RALY: variants seen among roughly 807,000 people sequenced by gnomAD.
The protein encoded by RALY is RNA-binding protein Raly.
Under a neutral mutation model 30.7 loss-of-function variants are expected in RALY, and 15 were observed. That is an observed-to-expected ratio of 0.49 (90% CI 0.33 to 0.75). The LOEUF is 0.75. Among genes scored for constraint, RALY ranks in the 30% least tolerant of loss-of-function variants. The probability of loss-of-function intolerance (pLI) is 0.02; values close to 1 mark genes in which losing one functional copy is unlikely to be tolerated. For missense variants in RALY, 339 were observed against 414.3 expected, an observed-to-expected ratio of 0.82 and a Z score of 1.58; for synonymous variants, 177 against 170.8, an observed-to-expected ratio of 1.04 and a Z score of -0.28.
Position 34,010,376 on chromosome 20 carries a change from G to A in RALY, c.-93+16245G>A, listed in dbSNP as rs755881533. 8.9e-4 allele frequency among the ~76,000 whole-genome samples: 135 copies of A among 152,048 alleles called. 2 individuals are homozygous for A. Among genetic ancestry groups the A allele is most frequent in the Non-Finnish European group, 3.2e-4 (22 of 68,006 alleles). On this transcript the variant is annotated intron_variant, in intron 1 of 9. Coordinates refer to ENST00000246194, the MANE Select transcript of RALY (RefSeq NM_016732.3). Reference sequence around the variant, plus strand: ...CCTGAGTAGCTGGGACTACAGGCACGCACCACCATGTCCTGTTGTTTTTAT... The same window carrying A: ...CCTGAGTAGCTGGGACTACAGGCACACACCACCATGTCCTGTTGTTTTTAT...
At chr20:34,035,175 A>AAAAAAAAAC (rs2032443894) in intron 2 of RALY, among the ~76,000 whole-genome samples, 1 of 138,792 alleles carries the variant, frequency 7.2e-6, no homozygotes, top group Non-Finnish European at 1.5e-5. Context: ...AAAAAAAAAA[A>AAAAAAAAAC]AAAAAAAAAA....
At chr20:33,998,962 A>G (rs1384984608) in intron 1 of RALY, among the ~76,000 whole-genome samples, 1 of 151,900 alleles carries the variant, frequency 6.6e-6, no homozygotes, top group Non-Finnish European at 1.5e-5. Context: ...CCCCGTCTCT[A>G]CTAAAAATAA....
At chr20:34,004,537 T>C (rs2031073452) in intron 1 of RALY, among the ~76,000 whole-genome samples, 1 of 152,212 alleles carries the variant, frequency 6.6e-6, no homozygotes, top group Non-Finnish European at 1.5e-5. Flanking sequence ...GTAGTATCCA[T>C]ATTCCTGCTA....
chr20:34,037,585 T>C (rs1296124199), intron 2 of RALY, among the ~76,000 whole-genome samples: 1 of 152,240 alleles, frequency 6.6e-6, no homozygotes, highest in Non-Finnish European at 1.5e-5. Flanking sequence ...CCTGGCTTGC[T>C]GGTGACTTAC....
intron 3 of RALY, among the ~76,000 whole-genome samples, chr20:34,072,710 A>G (rs1354605110): frequency 1.3e-5 from 2 of 152,192 alleles, no homozygotes; most frequent in Non-Finnish European, 2.9e-5. Flanking sequence ...GCACAAGGAC[A>G]GTGTGAATAC....
chr20:34,074,410 C>A (rs1376920177), intron 5 of RALY, among the ~76,000 whole-genome samples: 2 of 152,160 alleles, frequency 1.3e-5, no homozygotes, highest in Non-Finnish European at 2.9e-5. Flanking sequence ...ACAGCACTAG[C>A]CACATTCTTG....
intron 5 of RALY, among the ~76,000 whole-genome samples, chr20:34,074,272 G>A (rs2033812364): frequency 6.6e-6 from 1 of 152,090 alleles, no homozygotes; most frequent in African/African-American, 2.4e-5. Flanking sequence ...AGCTTCTTGG[G>A]TTTATATTTA....
intron 1 of RALY, among the ~76,000 whole-genome samples, chr20:34,014,430 A>G (rs1050632658): frequency 6.6e-6 from 1 of 152,224 alleles, no homozygotes; most frequent in Non-Finnish European, 1.5e-5. Flanking sequence ...TTTTGATTTC[A>G]TAATTCTGCG....
At chr20:34,079,146 ATTCT>A (rs1237656679) in intron 9 of RALY, among the ~76,000 whole-genome samples, 1 of 152,112 alleles carries the variant, frequency 6.6e-6, no homozygotes, top group African/African-American at 2.4e-5. Context: ...CTGGGATTTG[ATTCT>A]TTCATGGGGA....
Position 34,012,271 on chromosome 20 carries a change from C to T in RALY, c.-93+18140C>T, listed in dbSNP as rs534654022. Among the ~76,000 whole-genome samples the T allele has an allele frequency of 1.3e-4, 20 of 152,084 alleles. No homozygotes were observed. The South Asian group carries it at 3.3e-3, about 25-fold the overall frequency. On this transcript the variant is annotated intron_variant, in intron 1 of 9. Transcript: ENST00000246194. ...TCATCATGAGGTGGCGGAAGGTTGC[C>T]GTGGCAGGTGGTAATGTGCTGAGCC...
chr20:34,073,779 C>T, intron 4 of RALY, 40 bp from the exon 5 acceptor site: 1 of 1,607,886 alleles, frequency 6.2e-7, no homozygotes, highest in Non-Finnish European at 8.5e-7. Flanking sequence ...GGCTGAGTGG[C>T]CGTCCCTAAG....
At chr20:34,017,044 C>T (rs1294646601) in intron 1 of RALY, among the ~76,000 whole-genome samples, 1 of 43,310 alleles carries the variant, frequency 2.3e-5, no homozygotes, top group Non-Finnish European at 4.3e-5. Context: ...CCCCTGGGGA[C>T]CAGCAGGCAG....
intron 1 of RALY, among the ~76,000 whole-genome samples, chr20:34,003,473 G>T (rs577581739): frequency 8.9e-4 from 136 of 152,078 alleles, no homozygotes; most frequent in Admixed American, 1.8e-3. Flanking sequence ...CTGGTCTCTG[G>T]GATTGGGAAA....
intron 2 of RALY, among the ~76,000 whole-genome samples, chr20:34,032,515 G>T (rs531082971): frequency 6.6e-6 from 1 of 152,020 alleles, no homozygotes; most frequent in East Asian, 1.9e-4. Context: ...TGTGTTGGGG[G>T]GGGTTTTATT....
intron 8 of RALY, 63 bp downstream of exon 8, chr20:34,077,308 A>T: frequency 6.3e-7 from 1 of 1,599,564 alleles, no homozygotes; most frequent in Non-Finnish European, 8.5e-7. Context: ...GGAGGCCAAC[A>T]GGGGAATGGG....
intron 1 of RALY, among the ~76,000 whole-genome samples, chr20:34,015,804 A>G (rs1174053818): frequency 1.3e-5 from 2 of 152,016 alleles, no homozygotes; most frequent in South Asian, 2.1e-4. Flanking sequence ...GCAGACACCT[A>G]CTTTTCCCCA....
intron 1 of RALY, among the ~76,000 whole-genome samples, chr20:34,030,558 G>A (rs2032228866): frequency 6.6e-6 from 1 of 152,222 alleles, no homozygotes. Context: ...TAGAATCCAG[G>A]TGATCTAAGC....
intron 2 of RALY, among the ~76,000 whole-genome samples, chr20:34,045,342 G>A (rs1399167345): frequency 6.6e-6 from 1 of 152,206 alleles, no homozygotes; most frequent in Non-Finnish European, 1.5e-5. Flanking sequence ...CCTCTCTAAG[G>A]AGGAAGATCA....
At chr20:34,048,811 G>A (rs569222210) in intron 2 of RALY, among the ~76,000 whole-genome samples, 1 of 135,562 alleles carries the variant, frequency 7.4e-6, no homozygotes, top group Admixed American at 8.6e-5. Flanking sequence ...AGCCGAGATC[G>A]CACCACTGCA....
Sources: allele counts gnomAD v4.1 joint callset (sites outside exome capture counted in the v4.1 genomes callset), GRCh38; gene constraint gnomAD v4.1.1; transcripts MANE v1.5; gene names NCBI Gene and HGNC (gene_info 2026-07-23, HGNC 2026-07-21).